Variants in PPM1B observed in about 807,000 individuals in gnomAD.
The protein encoded by PPM1B is protein phosphatase, Mg2+/Mn2+ dependent 1B.
In PPM1B, 22 loss-of-function variants were observed where a neutral mutation model predicts 43.0. The ratio of observed to expected loss-of-function variants is 0.51; its 90% CI spans 0.37 to 0.73. The LOEUF (loss-of-function observed/expected upper bound fraction) is 0.73, where lower values mean the gene tolerates loss of function less well. Ranked by LOEUF, PPM1B falls within the 30% of genes least tolerant of loss-of-function variation. PPM1B has a pLI of 0.00. For missense variants in PPM1B, 632 were observed against 584.2 expected (o/e 1.08, Z -0.84); for synonymous variants, 217 against 197.9 (o/e 1.10, Z -0.81).
downstream of PPM1B, among the ~76,000 whole-genome samples, chr2:44,235,947 A>G (rs1162321787): frequency 6.6e-6 from 1 of 152,128 alleles, no homozygotes; most frequent in Non-Finnish European, 1.5e-5. Flanking sequence ...AAATTTTAAA[A>G]TAACATTGTG....
At chr2:44,177,335 T>C (rs1667626380) in intron 1 of PPM1B, among the ~76,000 whole-genome samples, 1 of 152,122 alleles carries the variant, frequency 6.6e-6, no homozygotes, top group African/African-American at 2.4e-5. Flanking sequence ...TGGTGGTTGC[T>C]AGTCCTAAAC....
chr2:44,231,568 A>C (rs1350873308), downstream of PPM1B: 7 of 613,892 alleles, frequency 1.1e-5, no homozygotes, highest in Non-Finnish European at 1.4e-5. Context: ...TATTTATATA[A>C]CATTTAGAAC....
chr2:44,202,273 A>G (rs1292030035), intron 2 of PPM1B, among the ~76,000 whole-genome samples: 2 of 152,202 alleles, frequency 1.3e-5, no homozygotes, highest in Non-Finnish European at 2.9e-5. Flanking sequence ...GTTGTCATTT[A>G]AGTACTTCAT....
chr2:44,173,621 G>T (rs1667451586), intron 1 of PPM1B, among the ~76,000 whole-genome samples: 1 of 151,882 alleles, frequency 6.6e-6, no homozygotes, highest in African/African-American at 2.4e-5. Context: ...TCTTGTTATT[G>T]CTTGGCATAA....
intron 3 of PPM1B, among the ~76,000 whole-genome samples, chr2:44,216,652 G>A: frequency 6.6e-6 from 1 of 152,298 alleles, no homozygotes; most frequent in Non-Finnish European, 1.5e-5. Flanking sequence ...TCATAGCTGG[G>A]CGTGGTGGCT....
At chr2:44,172,836 G>T (rs544405972) in intron 1 of PPM1B, among the ~76,000 whole-genome samples, 1 of 152,288 alleles carries the variant, frequency 6.6e-6, no homozygotes, top group South Asian at 2.1e-4. Flanking sequence ...GAGCCAGGGA[G>T]GTCAAAGCTG....
At chr2:44,204,580 A>G (rs72800985) in intron 2 of PPM1B, among the ~76,000 whole-genome samples, 17,668 of 152,160 alleles carry the variant, frequency 0.12, 1,262 homozygotes, top group East Asian at 0.31. Flanking sequence ...ACACTATTCT[A>G]AATACTTTAC....
chr2:44,225,989 T>G (rs1324891253), intron 5 of PPM1B, among the ~76,000 whole-genome samples: 5 of 151,148 alleles, frequency 3.3e-5, no homozygotes, highest in African/African-American at 1.2e-4. Flanking sequence ...TTTTTTTTTT[T>G]TTTTGAGAGA....
At chr2:44,233,528 A>G, downstream of PPM1B, 12 of 985,122 alleles carry the variant, frequency 1.2e-5, no homozygotes, top group Non-Finnish European at 1.3e-5. Flanking sequence ...GAAGTAATGA[A>G]TGTATCCATT....
chr2:44,236,402 CAAAAAAAAAAA>C (rs61414038), downstream of PPM1B, among the ~76,000 whole-genome samples: 24 of 47,532 alleles, frequency 5.0e-4, no homozygotes, highest in African/African-American at 1.6e-3. Flanking sequence ...GACTCCGTCT[CAAAAAAAAAAA>C]AAAAAAAAAA....
chr2:44,214,874 TTA>T (rs1669650806), intron 3 of PPM1B, among the ~76,000 whole-genome samples: 1 of 152,190 alleles, frequency 6.6e-6, no homozygotes, highest in Admixed American at 6.5e-5. Flanking sequence ...TAAATGAGAA[TTA>T]TGTTTGTTAA....
rs527737285 is a variant in PPM1B, at chr2:44,216,997, G to T, written c.965-970G>T. Reference sequence around the variant, plus strand: ...GAAAAGAGTATGTGAAGATCTAGAAGTAGAAGTCTTTGAATGGATCCTTTG... The same window carrying T: ...GAAAAGAGTATGTGAAGATCTAGAATTAGAAGTCTTTGAATGGATCCTTTG... On this transcript the variant is annotated intron_variant, in intron 3 of 5. Transcript: ENST00000282412. 2.0e-5 allele frequency among the ~76,000 whole-genome samples: 3 copies of T among 152,204 alleles called. No individual in the cohort carries two copies. In the South Asian group the frequency reaches 6.2e-4, roughly 32 times the overall value.
At chr2:44,178,152 T>A (rs538384707) in intron 1 of PPM1B, among the ~76,000 whole-genome samples, 3 of 152,062 alleles carry the variant, frequency 2.0e-5, no homozygotes, top group East Asian at 3.9e-4. Flanking sequence ...ATCCCTGAGC[T>A]CAAGTGATCC....
chr2:44,235,211 A>G (rs1306513931), downstream of PPM1B, among the ~76,000 whole-genome samples: 2 of 152,242 alleles, frequency 1.3e-5, no homozygotes, highest in Non-Finnish European at 2.9e-5. Context: ...CTGGCTATGC[A>G]TGATTTTGTC....
chr2:44,188,776 T>TTCCTTCCC (rs1297953697), intron 1 of PPM1B, among the ~76,000 whole-genome samples: 8 of 143,428 alleles, frequency 5.6e-5, no homozygotes, highest in South Asian at 2.3e-4. Flanking sequence ...CCTTCCTTCC[T>TTCCTTCCC]TCCTTCCCTC....
At chr2:44,199,316 AAT>A (rs1668816205) in intron 1 of PPM1B, among the ~76,000 whole-genome samples, 1 of 98,240 alleles carries the variant, frequency 1.0e-5, no homozygotes, top group African/African-American at 4.5e-5. Flanking sequence ...AAAAAAAAAA[AAT>A]AAAAATAAAA....
intron 5 of PPM1B, among the ~76,000 whole-genome samples, chr2:44,225,603 T>A (rs1339736745): frequency 1.3e-5 from 2 of 152,252 alleles, no homozygotes; most frequent in African/African-American, 4.8e-5. Flanking sequence ...TGTCAGCCAT[T>A]GCAAATCCGT....
At chr2:44,243,619 A>G (rs1055079644) in intron 5 of PPM1B, among the ~76,000 whole-genome samples, 5 of 152,248 alleles carry the variant, frequency 3.3e-5, no homozygotes, top group Admixed American at 6.5e-5. Context: ...ACATAAGCCA[A>G]TCTTTTCTCA....
chr2:44,185,332 G>C (rs1479783895), intron 1 of PPM1B, among the ~76,000 whole-genome samples: 4 of 152,072 alleles, frequency 2.6e-5, no homozygotes, highest in African/African-American at 9.7e-5. Context: ...TGATTAAGTG[G>C]TAATTTTCTG....
Sources: allele counts gnomAD v4.1 joint callset (sites outside exome capture counted in the v4.1 genomes callset), GRCh38; gene constraint gnomAD v4.1.1; transcripts MANE v1.5; gene names NCBI Gene and HGNC (gene_info 2026-07-23, HGNC 2026-07-21).